Variants in SEZ6L observed in about 807,000 individuals in gnomAD.
The protein encoded by SEZ6L is seizure related 6 homolog like, also known as seizure 6-like protein.
In SEZ6L, 37 loss-of-function variants were observed where a neutral mutation model predicts 106.2. That is an observed-to-expected ratio of 0.35 (90% CI 0.27 to 0.46). SEZ6L has a LOEUF of 0.46. Ranked by LOEUF, SEZ6L falls within the 20% of genes least tolerant of loss-of-function variation. The pLI, the probability that SEZ6L is intolerant of heterozygous loss-of-function variation, is 1.00. For synonymous variants in SEZ6L, 541 were observed against 570.4 expected, an observed-to-expected ratio of 0.95 and a Z score of 0.73; for missense variants, 1,172 against 1,332.8, an observed-to-expected ratio of 0.88 and a Z score of 1.88.
intron 9 of SEZ6L, among the ~76,000 whole-genome samples, chr22:26,330,318 C>T (rs2082440301): frequency 6.6e-6 from 1 of 152,164 alleles, no homozygotes; most frequent in Non-Finnish European, 1.5e-5. Flanking sequence ...GTTGGCTTAT[C>T]TGTGAAATGG....
intron 1 of SEZ6L, among the ~76,000 whole-genome samples, chr22:26,250,994 T>C (rs1367258586): frequency 6.6e-6 from 1 of 152,236 alleles, no homozygotes; most frequent in Non-Finnish European, 1.5e-5. Flanking sequence ...GAAGTTCCTC[T>C]GATTTTTGTA....
intron 8 of SEZ6L, 121 bp from the exon 9 acceptor site, chr22:26,313,643 C>G (rs1457508985): frequency 1.7e-6 from 2 of 1,167,100 alleles, no homozygotes; most frequent in Non-Finnish European, 2.5e-6. Flanking sequence ...GGTGAAGACA[C>G]CTGTCCACAG....
rs117324781 is a variant in SEZ6L, at chr22:26,331,929, G to A, written c.2016-8507G>A. On this transcript the variant is annotated intron_variant, in intron 9 of 16. Coordinates refer to ENST00000248933, the MANE Select transcript of SEZ6L (RefSeq NM_021115.5). ...ACCCGGGGAGGGTGGAGGTTGCAACGAGCTGAGATCGTGCCACTGCACTCC... is the reference window on the plus strand; with the variant it reads ...ACCCGGGGAGGGTGGAGGTTGCAACAAGCTGAGATCGTGCCACTGCACTCC... Among the ~76,000 whole-genome samples, 1,211 of 152,156 alleles carry A rather than the reference G, an allele frequency of 8.0e-3. 7 individuals are homozygous for A. The highest frequency in any genetic ancestry group is 0.017 in the Middle Eastern group (5 of 294).
At chr22:26,347,085 A>G (rs2083032166) in intron 10 of SEZ6L, among the ~76,000 whole-genome samples, 1 of 151,726 alleles carries the variant, frequency 6.6e-6, no homozygotes, top group Non-Finnish European at 1.5e-5. Context: ...GGTCCCAGCT[A>G]CTTGAGAGGC....
At chr22:26,239,313 C>T (rs1219701793) in intron 1 of SEZ6L, among the ~76,000 whole-genome samples, 1 of 152,168 alleles carries the variant, frequency 6.6e-6, no homozygotes, top group East Asian at 1.9e-4. Context: ...CAGCACACAC[C>T]TCAGCATTTG....
intron 1 of SEZ6L, among the ~76,000 whole-genome samples, chr22:26,274,675 T>A (rs1320270644): frequency 6.6e-6 from 1 of 152,064 alleles, no homozygotes; most frequent in Non-Finnish European, 1.5e-5. Context: ...CAGACTGAAA[T>A]CAGCAAAGGG....
At chr22:26,367,233 C>A (rs2083847749) in intron 13 of SEZ6L, among the ~76,000 whole-genome samples, 1 of 152,132 alleles carries the variant, frequency 6.6e-6, no homozygotes, top group Non-Finnish European at 1.5e-5. Flanking sequence ...TCCCGTAGAA[C>A]AGCCTTAAAA....
chr22:26,276,146 GTT>G (rs1315864259), intron 1 of SEZ6L, among the ~76,000 whole-genome samples: 1 of 152,222 alleles, frequency 6.6e-6, no homozygotes, highest in African/African-American at 2.4e-5. Flanking sequence ...AGAGAGTACA[GTT>G]CCCGCCTCTT....
chr22:26,285,662 C>T (rs999008988), intron 1 of SEZ6L, among the ~76,000 whole-genome samples: 8 of 152,144 alleles, frequency 5.3e-5, no homozygotes, highest in Non-Finnish European at 7.3e-5. Flanking sequence ...GATGCTGCTC[C>T]GTTTCCTACA....
chr22:26,173,321 G>A (rs534710642), intron 1 of SEZ6L, among the ~76,000 whole-genome samples: 4 of 152,296 alleles, frequency 2.6e-5, no homozygotes, highest in African/African-American at 9.6e-5. Flanking sequence ...GTAAATATTG[G>A]GATAATTCAG....
intron 16 of SEZ6L, 151 bp from the exon 17 acceptor site, chr22:26,380,115 T>G: frequency 1.5e-6 from 1 of 653,184 alleles, no homozygotes; most frequent in South Asian, 2.1e-5. Context: ...TTATAACCCA[T>G]TGGCAAAAGC....
chr22:26,229,616 C>G (rs1391322739), intron 1 of SEZ6L, among the ~76,000 whole-genome samples: 1 of 152,162 alleles, frequency 6.6e-6, no homozygotes, highest in Non-Finnish European at 1.5e-5. Flanking sequence ...TGTGTGTAGC[C>G]TGAGGTCCTT....
chr22:26,352,744 T>A (rs1242786168), intron 12 of SEZ6L, among the ~76,000 whole-genome samples: 1 of 152,252 alleles, frequency 6.6e-6, no homozygotes, highest in Non-Finnish European at 1.5e-5. Context: ...GAATGGCGCA[T>A]GCATTAACTC....
intron 1 of SEZ6L, among the ~76,000 whole-genome samples, chr22:26,278,371 C>T (rs2080623807): frequency 6.6e-6 from 1 of 152,194 alleles, no homozygotes; most frequent in Admixed American, 6.5e-5. Flanking sequence ...GTTTGGGCTT[C>T]TAGTGTACCC....
chr22:26,243,947 G>T (rs2079231238), intron 1 of SEZ6L, among the ~76,000 whole-genome samples: 1 of 152,142 alleles, frequency 6.6e-6, no homozygotes, highest in Non-Finnish European at 1.5e-5. Context: ...TAGATCACTT[G>T]AGCTCAGGAG....
intron 9 of SEZ6L, among the ~76,000 whole-genome samples, chr22:26,338,216 A>G (rs1332467438): frequency 4.6e-5 from 7 of 152,158 alleles, no homozygotes; most frequent in Non-Finnish European, 8.8e-5. Flanking sequence ...CTGCAAGATG[A>G]TGTCCAAAAG....
intron 1 of SEZ6L, among the ~76,000 whole-genome samples, chr22:26,288,007 G>A (rs1185557002): frequency 6.6e-6 from 1 of 152,222 alleles, no homozygotes; most frequent in Non-Finnish European, 1.5e-5. Flanking sequence ...TAGCACCCTT[G>A]TACCCTGGGG....
intron 13 of SEZ6L, among the ~76,000 whole-genome samples, chr22:26,370,445 G>A (rs2083991788): frequency 6.6e-6 from 1 of 152,106 alleles, no homozygotes; most frequent in Admixed American, 6.6e-5. Context: ...ACTTTGGCCT[G>A]GACAACGTGT....
intron 1 of SEZ6L, among the ~76,000 whole-genome samples, chr22:26,195,362 G>A (rs779409243): frequency 4.6e-5 from 7 of 152,090 alleles, no homozygotes; most frequent in Non-Finnish European, 8.8e-5. Context: ...TTTCAGCCTC[G>A]CCACTGCCTA....
Sources: gnomAD v4.1 joint callset for allele counts (sites outside exome capture counted in the v4.1 genomes callset) on GRCh38, gnomAD v4.1.1 for gene constraint, MANE v1.5 for transcripts, NCBI Gene and HGNC (gene_info 2026-07-23, HGNC 2026-07-21) for gene names.